Variants in BPTF observed in about 807,000 individuals in gnomAD.
BPTF encodes nucleosome-remodeling factor subunit BPTF.
BPTF carries 18 observed loss-of-function variants against 292.5 expected under a neutral mutation model. That is an observed-to-expected ratio of 0.06 (90% confidence interval 0.04 to 0.09). BPTF has a LOEUF of 0.09. Ranked by LOEUF, BPTF falls within the 10% of genes least tolerant of loss-of-function variation. The probability of loss-of-function intolerance (pLI) is 1.00; values close to 1 mark genes in which losing one functional copy is unlikely to be tolerated. For missense variants in BPTF, 2,726 were observed against 3,498.7 expected (o/e 0.78, Z 5.57); for synonymous variants, 1,225 against 1,251.9 (o/e 0.98, Z 0.45).
chr17:67,949,490 G>A (rs146113470), intron 23 of BPTF, among the ~76,000 whole-genome samples: 34 of 151,132 alleles, frequency 2.2e-4, no homozygotes, highest in South Asian at 4.2e-4. Flanking sequence ...CAGGATAATC[G>A]TTTGAACCTG....
intron 10 of BPTF, 133 bp from the exon 11 acceptor site, chr17:67,910,744 G>A: frequency 1.8e-6 from 1 of 541,464 alleles, no homozygotes; most frequent in Middle Eastern, 5.8e-4. Context: ...AGGTTGCAGT[G>A]AACTGAGATC....
chr17:67,834,209 T>C (rs775256199), intron 1 of BPTF, among the ~76,000 whole-genome samples: 24 of 152,170 alleles, frequency 1.6e-4, no homozygotes, highest in Admixed American at 3.3e-4. Flanking sequence ...AGTTTCCAAA[T>C]ATTTGGGAAT....
rs2058594169 is a variant in BPTF at position 67,854,794 on chromosome 17, C to T, written c.1436+32C>T. 6.7e-7 allele frequency: 1 copy of T among 1,502,592 alleles called. No individual in the cohort carries two copies. The highest frequency in any genetic ancestry group is 1.4e-5 in the African/African-American group (1 of 72,044). The allele number at this position is 1,502,592 out of a possible 1,614,324, so 93.1% of individuals were successfully genotyped here. On this transcript the variant is annotated intron_variant, in intron 2 of 27. Coordinates refer to ENST00000306378, the MANE Select transcript of BPTF (RefSeq NM_182641.4). This position sits in a 1 kb window ranked among gnomAD's most constrained non-coding sequence, Gnocchi z 5.6. ...AAATCTGGTCTTAATTTTTTGTATG[C>T]ATTTAAAATTAGACTAGTTTCCTTC... is the stretch of plus-strand genomic sequence containing the variant.
At chr17:67,841,472 TAGC>T (rs552759736) in intron 1 of BPTF, among the ~76,000 whole-genome samples, 291 of 152,282 alleles carry the variant, frequency 1.9e-3, no homozygotes, top group Non-Finnish European at 3.7e-3. Context: ...TATTTTATAT[TAGC>T]AGTAATATAA....
In BPTF at chr17:67,826,323, A is replaced by C. The variant is rs774783160; in HGVS notation, c.599A>C (p.Tyr200Ser). 3 of 1,610,848 alleles carry C rather than the reference A, an allele frequency of 1.9e-6. No homozygotes were observed. The highest frequency in any genetic ancestry group is 2.5e-6 in the Non-Finnish European group (3 of 1,178,960). The change falls in exon 1 of 28, where the codon TAC (tyrosine) becomes TCC (serine). Residue 200 changes from tyrosine to serine, a missense_variant. Around this residue, in one of 22 missense-constraint regions of BPTF, gnomAD observed 153 missense variants for 178.3 expected, o/e 0.86. Transcript: ENST00000306378. ...TESSFRSHST[Y>S]SSTPGRRKPR... ...AGCAGCTTCAGGAGCCATAGTACCTACAGCAGCACTCCAGGTACCCACCCA... is the reference window on the plus strand; with the variant it reads ...AGCAGCTTCAGGAGCCATAGTACCTCCAGCAGCACTCCAGGTACCCACCCA...
At chr17:67,943,192 A>G (rs1449921274) in intron 19 of BPTF, among the ~76,000 whole-genome samples, 6 of 152,074 alleles carry the variant, frequency 3.9e-5, no homozygotes, top group African/African-American at 1.4e-4. Flanking sequence ...TGGCGGTTTT[A>G]TAGATGTTTA....
chr17:67,907,190 A>G (rs1322015468), intron 9 of BPTF, among the ~76,000 whole-genome samples: 1 of 151,514 alleles, frequency 6.6e-6, no homozygotes, highest in Non-Finnish European at 1.5e-5. Context: ...GTCTCCAAAA[A>G]AAAAAAAAAA....
In BPTF at chr17:67,917,644, AATTT is replaced by A. The variant is rs964906932; in HGVS notation, c.5304-1068_5304-1065del. Among the ~76,000 whole-genome samples, 6 of 148,912 alleles carry A rather than the reference AATTT, an allele frequency of 4.0e-5. No individual in the cohort carries two copies. In the South Asian group the frequency reaches 1.3e-3, roughly 32 times the overall value. On this transcript the variant is annotated intron_variant, in intron 11 of 27. Transcript: ENST00000306378. ...TAATTAATTAATTAATTAATTAATTAATTTAGAGACAGAGTTTCACTCTTGTCGC... is the reference window on the plus strand; with the variant it reads ...TAATTAATTAATTAATTAATTAATTAAGAGACAGAGTTTCACTCTTGTCGC...
intron 4 of BPTF, among the ~76,000 whole-genome samples, chr17:67,883,152 A>C (rs929450081): frequency 2.6e-5 from 4 of 152,032 alleles, no homozygotes; most frequent in African/African-American, 9.7e-5. Context: ...GTCTCTACTA[A>C]AAATACAAAC....
At chr17:67,931,192 G>A (rs1213419561) in intron 17 of BPTF, among the ~76,000 whole-genome samples, 1 of 152,222 alleles carries the variant, frequency 6.6e-6, no homozygotes, top group African/African-American at 2.4e-5. Flanking sequence ...TTGAACCCGG[G>A]AGGCGGAGGT....
intron 17 of BPTF, 24 bp from the exon 18 acceptor site, chr17:67,931,887 C>A (rs746236314): frequency 1.3e-6 from 2 of 1,551,878 alleles, no homozygotes; most frequent in African/African-American, 1.4e-5. Flanking sequence ...CATTTTAATT[C>A]ATTGTTCTTT....
At chr17:67,886,182 T>C in intron 4 of BPTF, 1 of 1,613,810 alleles carries the variant, frequency 6.2e-7, no homozygotes, top group Non-Finnish European at 8.5e-7. Context: ...ACTACCTCCA[T>C]CCAGCCTAAT....
At chr17:67,917,130 C>CATTGT (rs58342878) in intron 11 of BPTF, among the ~76,000 whole-genome samples, 1,600 of 93,658 alleles carry the variant, frequency 0.017, 66 homozygotes, top group African/African-American at 0.087. Context: ...ATGGTATTGT[C>CATTGT]CTTTTTTTTT....
intron 11 of BPTF, among the ~76,000 whole-genome samples, chr17:67,914,534 G>A (rs1172077739): frequency 1.3e-5 from 2 of 152,130 alleles, no homozygotes; most frequent in African/African-American, 4.8e-5. Flanking sequence ...CATTGAGAGC[G>A]GTCCCAAAAT....
At chr17:67,961,356 G>C (rs1350697818) in intron 24 of BPTF, among the ~76,000 whole-genome samples, 2 of 152,160 alleles carry the variant, frequency 1.3e-5, no homozygotes, top group African/African-American at 4.8e-5. Flanking sequence ...AGATGAGTTA[G>C]TGTTTCTAAG....
chr17:67,912,879 G>C lies in BPTF; in HGVS notation c.4995G>C (p.Leu1665=). ...TCACCACGACAGTGACAGACTCCCT[G>C]ACCACCACGGGAGGCACACTGGTTA... The part of the protein sequence containing the change: ...TVVTTTVTDS[L]TTTGGTLVTS... The change falls in exon 11 of 28, where the codon CTG becomes CTC. Residue 1665 remains leucine (L), a synonymous_variant. Transcript: ENST00000306378. 1 of 1,614,070 alleles carries C rather than the reference G, an allele frequency of 6.2e-7. No individual in the cohort carries two copies. The highest frequency in any genetic ancestry group is 8.5e-7 in the Non-Finnish European group (1 of 1,180,018).
intron 4 of BPTF, among the ~76,000 whole-genome samples, chr17:67,888,796 C>G (rs1445083071): frequency 6.6e-6 from 1 of 151,898 alleles, no homozygotes; most frequent in African/African-American, 2.4e-5. Context: ...AAGAAGATTC[C>G]CCTTCTGGAG....
intron 7 of BPTF, among the ~76,000 whole-genome samples, chr17:67,903,550 A>G (rs1481628763): frequency 2.6e-5 from 4 of 152,234 alleles, no homozygotes; most frequent in African/African-American, 9.6e-5. Flanking sequence ...TGTTTTAGAA[A>G]TAAATCATAA....
intron 17 of BPTF, 47 bp downstream of exon 17, chr17:67,929,534 A>G (rs2064183284): frequency 1.3e-6 from 2 of 1,574,510 alleles, no homozygotes; most frequent in African/African-American, 1.4e-5. Context: ...TGAGCACATC[A>G]CATTATTTTT....
Sources: gnomAD v4.1 joint callset for allele counts (sites outside exome capture counted in the v4.1 genomes callset) on GRCh38, gnomAD v4.1.1 for gene constraint, gnomAD v4.1.1 regional missense constraint, Gnocchi (gnomAD v3.1) non-coding constraint, MANE v1.5 for transcripts, NCBI Gene and HGNC (gene_info 2026-07-23, HGNC 2026-07-21) for gene names.